CAPN13: variants seen among roughly 807,000 people sequenced by gnomAD.
CAPN13 encodes the protein calpain-13.
Under a neutral mutation model 98.4 loss-of-function variants are expected in CAPN13, and 90 were observed. The observed-to-expected ratio is 0.92, with a 90% CI of 0.77 to 1.09. The LOEUF (loss-of-function observed/expected upper bound fraction) is 1.09, where lower values mean the gene tolerates loss of function less well. Among genes scored for constraint, CAPN13 ranks in the 50% least tolerant of loss-of-function variants. The pLI is 0.00. For synonymous variants in CAPN13, 330 were observed against 305.5 expected (o/e 1.08, Z -0.84); for missense variants, 887 against 841.3 (o/e 1.05, Z -0.67).
intron 11 of CAPN13, among the ~76,000 whole-genome samples, chr2:30,749,223 C>G (rs1283956520): frequency 6.6e-6 from 1 of 152,200 alleles, no homozygotes; most frequent in African/African-American, 2.4e-5. Context: ...ACTTTTTGAA[C>G]ACCAACATGA....
At chr2:30,763,187 G>C in intron 6 of CAPN13, 31 bp from the exon 7 acceptor site, 1 of 1,583,892 alleles carries the variant, frequency 6.3e-7, no homozygotes, top group Non-Finnish European at 8.6e-7. Flanking sequence ...TCAAACATTA[G>C]ACATCTACAG....
At chr2:30,742,192 C>T (rs1243294224) in intron 14 of CAPN13, 134 bp downstream of exon 14, 5 of 1,171,124 alleles carry the variant, frequency 4.3e-6, no homozygotes, top group African/African-American at 1.5e-5. Flanking sequence ...CCCCTTTGAG[C>T]CTTCATCGGC....
At chr2:30,796,198 GTGTATATATATATACACATATATA>G (rs1320138372) in intron 1 of CAPN13, among the ~76,000 whole-genome samples, 2 of 132,712 alleles carry the variant, frequency 1.5e-5, no homozygotes, top group Admixed American at 1.5e-4. Flanking sequence ...ATATATGTGT[GTGTATATATATATACACATATATA>G]TGTATATATA....
At chr2:30,735,139 T>G (rs888686615) in intron 18 of CAPN13, among the ~76,000 whole-genome samples, 3 of 152,280 alleles carry the variant, frequency 2.0e-5, no homozygotes, top group African/African-American at 7.2e-5. Flanking sequence ...ACATATCACT[T>G]TTGTATGGGG....
chr2:30,750,998 G>T, intron 11 of CAPN13, 105 bp downstream of exon 11: 1 of 1,294,684 alleles, frequency 7.7e-7, no homozygotes, highest in Non-Finnish European at 1.1e-6. Flanking sequence ...TTATCTCCAA[G>T]GCTGTGGTGC....
intron 2 of CAPN13, among the ~76,000 whole-genome samples, chr2:30,779,444 G>A (rs776412091): frequency 6.6e-6 from 1 of 152,214 alleles, no homozygotes; most frequent in Non-Finnish European, 1.5e-5. Flanking sequence ...AACCCTTGCT[G>A]AGGGCGGGTA....
At position 30,763,166 on chromosome 2, in the gene CAPN13, A is replaced by C. The variant is rs768681010; in HGVS notation, c.700-10T>G. On this transcript the variant is annotated splice_polypyrimidine_tract_variant and intron_variant, in intron 6 of 22. Transcript: ENST00000295055. ...GTGCTGTATCTGTTGGCTTCAAGGC[A>C]GAAAAGCAGATCAAACATTAGACAT... 42 of 1,608,446 alleles carry C rather than the reference A, an allele frequency of 2.6e-5. No homozygotes were observed. The highest frequency in any genetic ancestry group is 3.3e-4 in the Middle Eastern group (2 of 6,072).
chr2:30,741,084 C>T (rs1671627970), intron 15 of CAPN13, among the ~76,000 whole-genome samples: 1 of 152,206 alleles, frequency 6.6e-6, no homozygotes, highest in Non-Finnish European at 1.5e-5. Flanking sequence ...GAAGTGCCTC[C>T]TGAATCAGCC....
At position 30,777,456 on chromosome 2, in the gene CAPN13, C is replaced by T. The variant is rs1673760315; in HGVS notation, c.271+111G>A. 7.6e-6 allele frequency: 7 copies of T among 915,234 alleles called. No homozygotes were observed. In the East Asian group the frequency reaches 1.6e-4, roughly 21 times the overall value. 56.7% of individuals were successfully genotyped at this position (915,234 alleles called of 1,614,324 possible). A position where few individuals can be genotyped will look rare whatever the true frequency, so the allele number is the denominator to read the frequency against. On this transcript the variant is annotated intron_variant, in intron 3 of 22. Transcript: ENST00000295055. The stretch of plus-strand genomic sequence containing the variant: ...GGCGTGAGCAGTTTGTCCACGGCAG[C>T]ACCAAGGGAACTGGCCTTTCTCCCT...
At chr2:30,753,775 G>A (rs1672296211) in intron 9 of CAPN13, among the ~76,000 whole-genome samples, 1 of 152,128 alleles carries the variant, frequency 6.6e-6, no homozygotes, top group South Asian at 2.1e-4. Context: ...ACAACCCTCT[G>A]AGGAATGTAC....
intron 8 of CAPN13, among the ~76,000 whole-genome samples, chr2:30,755,831 G>C (rs1433978080): frequency 6.6e-6 from 1 of 152,122 alleles, no homozygotes; most frequent in African/African-American, 2.4e-5. Context: ...ATGTGTGAGG[G>C]AGAATAAATG....
intron 8 of CAPN13, among the ~76,000 whole-genome samples, chr2:30,754,787 C>T (rs565039690): frequency 6.6e-6 from 1 of 152,306 alleles, no homozygotes; most frequent in South Asian, 2.1e-4. Flanking sequence ...AAGCCAGGCA[C>T]TTACTTCCAT....
chr2:30,730,601 T>G, intron 22 of CAPN13, 129 bp downstream of exon 22: 1 of 600,250 alleles, frequency 1.7e-6, no homozygotes, highest in Non-Finnish European at 3.0e-6. Flanking sequence ...TAAGCCTTGG[T>G]TCACTTATGT....
intron 15 of CAPN13, among the ~76,000 whole-genome samples, chr2:30,739,306 G>C (rs113862988): frequency 2.0e-5 from 3 of 152,160 alleles, no homozygotes. Context: ...TTATCAGCAG[G>C]TGGTCCTGTA....
In CAPN13 at chr2:30,763,034, T is replaced by TG. The variant is rs774516454; in HGVS notation, c.774+47dup. ...CCCCTATTGAGAGGAACAAGAACAC[T>TG]GGGGCAGAGGCCAGGGGAGAGCTGG... On this transcript the variant is annotated intron_variant, in intron 7 of 22. Transcript: ENST00000295055. The TG allele has an allele frequency of 2.7e-6, 4 of 1,474,610 alleles. No homozygotes were observed. The Admixed American group carries it at 7.8e-5, about 29-fold the overall frequency. The allele number at this position is 1,474,610 out of a possible 1,614,324, so 91.3% of individuals were successfully genotyped here.
chr2:30,744,400 TAAC>T (rs2147974312), intron 12 of CAPN13, among the ~76,000 whole-genome samples: 1 of 152,254 alleles, frequency 6.6e-6, no homozygotes, highest in East Asian at 1.9e-4. Context: ...CTGCTGACAT[TAAC>T]AATAGCCTCA....
chr2:30,787,740 G>A (rs764700380), intron 1 of CAPN13, among the ~76,000 whole-genome samples: 136 of 152,316 alleles, frequency 8.9e-4, no homozygotes, highest in Middle Eastern at 6.8e-3. Flanking sequence ...AGGTCACGGG[G>A]TGTTGGAGGG....
chr2:30,732,441 C>T lies in CAPN13; in HGVS notation c.1924G>A (p.Ala642Thr). Residue 642 changes from alanine (A) to threonine (T), a missense_variant, in exon 20 of 23, where the codon GCA becomes ACA. Transcript: ENST00000295055. Reference protein sequence around the residue: ...VCFLMRLEAMAKTFRNLSKDG... With the variant: ...VCFLMRLEAMTKTFRNLSKDG... ...GATGCCCCTTGGGGACACTTACTTG[C>T]CATGGCTTCAAGCCGCATCAGGAAG... is the stretch of plus-strand genomic sequence containing the variant. 1 of 1,613,356 alleles carries T rather than the reference C, an allele frequency of 6.2e-7. No individual in the cohort carries two copies. Among genetic ancestry groups the T allele is most frequent in the Non-Finnish European group, 8.5e-7 (1 of 1,179,802 alleles).
chr2:30,733,404 G>C (rs1014265102), intron 19 of CAPN13, among the ~76,000 whole-genome samples: 2 of 152,064 alleles, frequency 1.3e-5, no homozygotes, highest in African/African-American at 4.8e-5. Context: ...GCTGCTGAAG[G>C]CTTACTGAAT....
Sources: gnomAD v4.1 joint callset for allele counts (sites outside exome capture counted in the v4.1 genomes callset) on GRCh38, gnomAD v4.1.1 for gene constraint, MANE v1.5 for transcripts, NCBI Gene and HGNC (gene_info 2026-07-23, HGNC 2026-07-21) for gene names.